CFAP61: variants seen among roughly 807,000 people sequenced by gnomAD.
CFAP61 encodes the protein cilia and flagella associated protein 61.
In CFAP61, 107 loss-of-function variants were observed where a neutral mutation model predicts 135.6. The ratio of observed to expected loss-of-function variants is 0.79; its 90% confidence interval spans 0.67 to 0.93. CFAP61 has a LOEUF of 0.93. Ranked by LOEUF, CFAP61 falls within the 40% of genes least tolerant of loss-of-function variation. The pLI, the probability that CFAP61 is intolerant of heterozygous loss-of-function variation, is 0.00. For synonymous variants in CFAP61, 575 were observed against 578.5 expected, an observed-to-expected ratio of 0.99 and a Z score of 0.09; for missense variants, 1,507 against 1,556.2, an observed-to-expected ratio of 0.97 and a Z score of 0.53.
intron 25 of CFAP61, among the ~76,000 whole-genome samples, chr20:20,332,330 A>T (rs1217689853): frequency 6.6e-6 from 1 of 152,236 alleles, no homozygotes; most frequent in African/African-American, 2.4e-5. Flanking sequence ...TCGCTCTGGC[A>T]AGTAAGACCA....
chr20:20,090,159 G>A (rs2047082256), intron 6 of CFAP61, among the ~76,000 whole-genome samples: 1 of 152,036 alleles, frequency 6.6e-6, no homozygotes, highest in Non-Finnish European at 1.5e-5. Flanking sequence ...GTGCTTCCCT[G>A]CATCCCACAC....
rs185731952 is a variant in CFAP61 at position 20,354,663 on chromosome 20, T to A, written c.3514-5547T>A. ...TCACACTGAGGGAAGGTGGTCACAC[T>A]GTGAGAAGGGAGGTAGTCACATTGT... On this transcript the variant is annotated intron_variant, in intron 26 of 26. Coordinates refer to ENST00000245957, the MANE Select transcript of CFAP61 (RefSeq NM_015585.4). Among the ~76,000 whole-genome samples, 28 of 152,042 alleles carry A rather than the reference T, an allele frequency of 1.8e-4. No homozygotes were observed. The East Asian group carries it at 5.2e-3, about 28-fold the overall frequency.
intron 2 of CFAP61, among the ~76,000 whole-genome samples, chr20:20,068,271 C>T (rs1165518020): frequency 6.6e-6 from 1 of 152,244 alleles, no homozygotes; most frequent in Non-Finnish European, 1.5e-5. Context: ...TGCATTTTCT[C>T]ATCTGGTTTA....
At chr20:20,308,526 G>A (rs993771715) in intron 25 of CFAP61, among the ~76,000 whole-genome samples, 2 of 152,158 alleles carry the variant, frequency 1.3e-5, no homozygotes, top group Non-Finnish European at 2.9e-5. Context: ...TGCAGGCCTT[G>A]CAAGGGACAC....
intron 25 of CFAP61, among the ~76,000 whole-genome samples, chr20:20,304,309 A>T (rs112661660): frequency 0.079 from 7,042 of 89,058 alleles, 307 homozygotes; most frequent in East Asian, 0.2. Context: ...TGTGTGAGAG[A>T]GAGAGAGAGA....
At chr20:20,335,562 A>G (rs928066) in intron 25 of CFAP61, among the ~76,000 whole-genome samples, 137,842 of 152,204 alleles carry the variant, frequency 0.91, 63,991 homozygotes, top group East Asian at 1. Context: ...TCTTTTTCCC[A>G]TACTTCATCC....
chr20:20,052,677 TGGGATGACCA>T, intron 1 of CFAP61, 86 bp downstream of exon 1: 4 of 1,612,982 alleles, frequency 2.5e-6, no homozygotes, highest in Non-Finnish European at 3.4e-6. Context: ...CCTCCGGAAC[TGGGATGACCA>T]GGCGAGGACG....
At chr20:20,282,405 G>A (rs994978789) in intron 22 of CFAP61, among the ~76,000 whole-genome samples, 2 of 151,990 alleles carry the variant, frequency 1.3e-5, no homozygotes, top group Non-Finnish European at 2.9e-5. Context: ...TTAAGTCGTT[G>A]ATTTATATAA....
At chr20:20,260,139 C>T (rs1461259327) in intron 20 of CFAP61, among the ~76,000 whole-genome samples, 1 of 152,218 alleles carries the variant, frequency 6.6e-6, no homozygotes, top group African/African-American at 2.4e-5. Flanking sequence ...AAATGTCTGC[C>T]TACAAACTCC....
chr20:20,314,220 CAAAA>C (rs74180988), intron 25 of CFAP61, among the ~76,000 whole-genome samples: 1 of 95,412 alleles, frequency 1.0e-5, no homozygotes. Context: ...CCCATCTCTA[CAAAA>C]AAAAAAAAAA....
chr20:20,124,453 T>C lies in CFAP61; in HGVS notation c.860-18404T>C, dbSNP rs548670214. Among the ~76,000 whole-genome samples, 9 of 152,060 alleles carry C rather than the reference T, an allele frequency of 5.9e-5. No individual in the cohort carries two copies. In the East Asian group the frequency reaches 1.7e-3, roughly 29 times the overall value. On this transcript the variant is annotated intron_variant, in intron 8 of 26. Transcript: ENST00000245957. ...GCTGACAGTTTTAATCATAAAGCGA[T>C]GCTGGATTTCTTCAAATGCTTTTTC...
chr20:20,277,239 C>T lies in CFAP61; in HGVS notation c.2577C>T (p.Ser859=). The T allele has an allele frequency of 6.2e-7, 1 of 1,612,900 alleles. No homozygotes were observed. The highest frequency in any genetic ancestry group is 8.5e-7 in the Non-Finnish European group (1 of 1,179,742). ...TVETLLNLGV[S]GSRIHLVQPP... ...AGACGCTCTTAAACCTTGGCGTGAG[C>T]GGCAGCCGCATCCACCTCGTGCAGC... Residue 859 remains serine, a synonymous_variant, in exon 22 of 27, where the codon AGC becomes AGT. Transcript: ENST00000245957.
At chr20:20,085,009 C>T (rs2046695475) in intron 6 of CFAP61, 1 of 583,698 alleles carries the variant, frequency 1.7e-6, no homozygotes, top group South Asian at 7.5e-5. Flanking sequence ...TTAACAAGCA[C>T]ATTGCTGCCC....
intron 26 of CFAP61, among the ~76,000 whole-genome samples, 195 bp downstream of exon 26, chr20:20,342,116 C>A (rs1453874863): frequency 6.6e-6 from 1 of 152,116 alleles, no homozygotes; most frequent in Non-Finnish European, 1.5e-5. Context: ...TTATTTAAAT[C>A]TTTTTATAGG....
At chr20:20,259,567 C>G (rs1284441910) in intron 20 of CFAP61, 1 of 152,022 alleles carries the variant, frequency 6.6e-6, no homozygotes, top group East Asian at 1.9e-4. Flanking sequence ...GTCACCATGC[C>G]TGGCCCTCTT....
At chr20:20,341,354 G>C (rs1467987078) in intron 25 of CFAP61, among the ~76,000 whole-genome samples, 4 of 152,178 alleles carry the variant, frequency 2.6e-5, no homozygotes, top group Non-Finnish European at 5.9e-5. Flanking sequence ...ATTCAATTAA[G>C]CGTCGATGCA....
At position 20,075,509 on chromosome 20, in the gene CFAP61, T is replaced by C; in HGVS notation, c.460T>C (p.Phe154Leu). The C allele has an allele frequency of 6.2e-7, 1 of 1,614,176 alleles. No individual in the cohort carries two copies. Among genetic ancestry groups the C allele is most frequent in the Non-Finnish European group, 8.5e-7 (1 of 1,179,996 alleles). ...MSLGSTLITV[F>L]DQVGNIPCLT... ...TTTAGGCTCAACTCTCATAACTGTT[T>C]TTGACCAAGTGGGGAACATCCCGTG... is the stretch of plus-strand genomic sequence containing the variant. The change falls in exon 6 of 27, where the codon TTT becomes CTT. Residue 154 changes from phenylalanine (F) to leucine (L), a missense_variant. Physicochemically the swap from Phe to Leu is conservative, Grantham distance 22 (BLOSUM62 0). Transcript: ENST00000245957.
intron 7 of CFAP61, among the ~76,000 whole-genome samples, chr20:20,097,180 C>T (rs146656832): frequency 6.7e-6 from 1 of 150,342 alleles, no homozygotes; most frequent in Non-Finnish European, 1.5e-5. Flanking sequence ...AAAGCATTTT[C>T]TCTGACTGGG....
At chr20:20,052,785 C>G (rs746330241) in intron 1 of CFAP61, 194 bp downstream of exon 1, 2 of 1,465,990 alleles carry the variant, frequency 1.4e-6, no homozygotes, top group African/African-American at 2.8e-5. Context: ...GAAGGGAGAG[C>G]GAGGAAACTA....
Sources: allele counts gnomAD v4.1 joint callset (sites outside exome capture counted in the v4.1 genomes callset), GRCh38; gene constraint gnomAD v4.1.1; transcripts MANE v1.5; gene names NCBI Gene and HGNC (gene_info 2026-07-23, HGNC 2026-07-21).